Variants in L1CAM observed in about 807,000 individuals in gnomAD.
L1CAM encodes the protein neural cell adhesion molecule L1.
Under a neutral mutation model 93.0 loss-of-function variants are expected in L1CAM, and 8 were observed. The observed-to-expected ratio is 0.09, with a 90% confidence interval of 0.05 to 0.16. The LOEUF (loss-of-function observed/expected upper bound fraction) is 0.16, where lower values mean the gene tolerates loss of function less well. L1CAM is among the 10% of genes least tolerant of loss of function. The probability of loss-of-function intolerance (pLI) is 1.00; values close to 1 mark genes in which losing one functional copy is unlikely to be tolerated. For synonymous variants in L1CAM, 453 were observed against 453.0 expected, an observed-to-expected ratio of 1.00 and a Z score of 0.00; for missense variants, 777 against 1,073.4, an observed-to-expected ratio of 0.72 and a Z score of 3.86.
intron 2 of L1CAM, 164 bp downstream of exon 2, chrX:153,875,597 C>T (rs1409496398): frequency 5.6e-6 from 3 of 535,946 alleles, no homozygotes; most frequent in Non-Finnish European, 6.6e-6. Context: ...CCCTTCTCTC[C>T]GGGGGTACCC....
chrX:153,875,490 C>T, intron 2 of L1CAM: 1 of 465,663 alleles, frequency 2.1e-6, no homozygotes. Context: ...GACCTCGGGG[C>T]CCTGCTCCAG....
intron 10 of L1CAM, 51 bp downstream of exon 10, chrX:153,869,752 C>T: frequency 8.3e-7 from 1 of 1,207,380 alleles, no homozygotes; most frequent in African/African-American, 1.7e-5. Context: ...CTCTCCCCCA[C>T]AGCCCCCAGG....
rs2064671900 is a variant in L1CAM at position 153,862,544 on chromosome X, A to T, written c.*119T>A. ...ATAAAGTGGGGACCGGGTGGTAGGA[A>T]GGGGATCCGAGGCAGCAAGTTCTCC... On this transcript the variant is annotated 3_prime_UTR_variant, in exon 29 of 29. Transcript: ENST00000370060. 5.5e-6 allele frequency: 3 copies of T among 543,164 alleles called. No individual in the cohort carries two copies. The highest frequency in any genetic ancestry group is 8.9e-6 in the Non-Finnish European group (3 of 337,760). 44.8% of individuals were successfully genotyped at this position (543,164 alleles called of 1,213,427 possible).
At chrX:153,882,328 G>C (rs1311026641) in intron 1 of L1CAM, among the ~76,000 whole-genome samples, 2 of 110,982 alleles carry the variant, frequency 1.8e-5, no homozygotes. Flanking sequence ...GGGTTGGCCA[G>C]AGGCTCTGTC....
In L1CAM at chrX:153,875,847, G is replaced by C; in HGVS notation, c.-11C>G. On this transcript the variant is annotated 5_prime_UTR_variant, in exon 2 of 29. Transcript: ENST00000370060. ...CAGCGCCACGACCATCTTTCCCGGCGGCACCGCGCAGCACAGCCAGCCGGG... is the reference window on the plus strand; with the variant it reads ...CAGCGCCACGACCATCTTTCCCGGCCGCACCGCGCAGCACAGCCAGCCGGG... The C allele has an allele frequency of 2.5e-6, 3 of 1,205,889 alleles. No homozygotes were observed. The highest frequency in any genetic ancestry group is 3.4e-6 in the Non-Finnish European group (3 of 893,781).
rs782269047 is a variant in L1CAM, at chrX:153,883,265, G to C, written c.-109+2800C>G. Reference sequence around the variant, plus strand: ...AAGCAGAGAGATGGAGCAGAGCCCTGACGGGAAGGGGGAAGAGGGAAGGGA... The same window carrying C: ...AAGCAGAGAGATGGAGCAGAGCCCTCACGGGAAGGGGGAAGAGGGAAGGGA... On this transcript the variant is annotated intron_variant, in intron 1 of 28. Coordinates refer to ENST00000370060, the MANE Select transcript of L1CAM (RefSeq NM_001278116.2). Among the ~76,000 whole-genome samples, 93 of 111,003 alleles carry C rather than the reference G, an allele frequency of 8.4e-4. 1 individual carries two copies. The highest frequency in any genetic ancestry group is 2.9e-3 in the African/African-American group (89 of 30,487).
chrX:153,885,774 T>A lies in L1CAM; in HGVS notation c.-109+291A>T, dbSNP rs189305417. The A allele has an allele frequency of 2.3e-4, 178 of 790,589 alleles. No homozygotes were observed. The African/African-American group carries it at 3.9e-3, about 17-fold the overall frequency. The allele number at this position is 790,589 out of a possible 1,213,427, so 65.2% of individuals were successfully genotyped here. A position where few individuals can be genotyped will look rare whatever the true frequency, so the allele number is the denominator to read the frequency against. Reference sequence around the variant, plus strand: ...AGCCCCCGCCTGCCCACACAGACCCTGCCTGACGCCCCCCGCCCTGTTCTC... The same window carrying A: ...AGCCCCCGCCTGCCCACACAGACCCAGCCTGACGCCCCCCGCCCTGTTCTC... On this transcript the variant is annotated intron_variant, in intron 1 of 28. Coordinates refer to ENST00000370060, the MANE Select transcript of L1CAM (RefSeq NM_001278116.2).
chrX:153,868,461 G>A lies in L1CAM; in HGVS notation c.1547-3C>T, dbSNP rs782348589. The A allele has an allele frequency of 4.1e-6, 5 of 1,212,141 alleles. No individual in the cohort carries two copies. In the East Asian group the frequency reaches 1.5e-4, roughly 36 times the overall value. On this transcript the variant is annotated splice_polypyrimidine_tract_variant and splice_region_variant and intron_variant, in intron 13 of 28. Transcript: ENST00000370060. ...CCCCTGAGTGATCTGAGTTGCATCTGAGGGTAATGCGTGCGTGGGGAAGTC... is the reference window on the plus strand; with the variant it reads ...CCCCTGAGTGATCTGAGTTGCATCTAAGGGTAATGCGTGCGTGGGGAAGTC...
At chrX:153,872,460 T>G (rs1158534081) in intron 4 of L1CAM, 106 bp from the exon 5 acceptor site, 1 of 956,858 alleles carries the variant, frequency 1.0e-6, no homozygotes, top group Non-Finnish European at 1.5e-6. Context: ...GGGGATGGAC[T>G]GGGAGATGGC....
intron 28 of L1CAM, 68 bp downstream of exon 28, chrX:153,863,300 G>C: frequency 8.9e-7 from 1 of 1,120,363 alleles, no homozygotes; most frequent in Non-Finnish European, 1.2e-6. Context: ...GGGGACAATG[G>C]CACACCAGGC....
intron 26 of L1CAM, 101 bp from the exon 27 acceptor site, chrX:153,863,650 G>T: frequency 1.1e-6 from 1 of 897,240 alleles, no homozygotes. Flanking sequence ...TCTCAACAGC[G>T]CCCAGAGGCA....
chrX:153,884,555 T>C (rs782169102), intron 1 of L1CAM: 11 of 190,017 alleles, frequency 5.8e-5, no homozygotes, highest in Non-Finnish European at 1.1e-4. Context: ...CAAACATCAA[T>C]AAATATGGAG....
At chrX:153,878,098 G>A (rs1401697581) in intron 1 of L1CAM, among the ~76,000 whole-genome samples, 1 of 112,587 alleles carries the variant, frequency 8.9e-6, no homozygotes, top group African/African-American at 3.2e-5. Flanking sequence ...AAGAAAGGGT[G>A]TTGTTAGGTG....
At chrX:153,863,281 C>G in intron 28 of L1CAM, 87 bp downstream of exon 28, 1 of 1,051,258 alleles carries the variant, frequency 9.5e-7, no homozygotes, top group Non-Finnish European at 1.3e-6. Context: ...GTCAGAGCCC[C>G]GGCAGCCAGG....
intron 16 of L1CAM, 87 bp downstream of exon 16, chrX:153,867,713 G>T: frequency 9.9e-7 from 1 of 1,007,202 alleles, no homozygotes; most frequent in Non-Finnish European, 1.4e-6. Context: ...TGTCCCCCCA[G>T]GAAGGCTCCA....
intron 1 of L1CAM, among the ~76,000 whole-genome samples, chrX:153,876,706 G>A (rs953483947): frequency 3.5e-5 from 4 of 112,836 alleles, no homozygotes; most frequent in Non-Finnish European, 7.5e-5. Context: ...GAAAGAATGG[G>A]GAAAGGGCCA....
Position 153,870,138 on chromosome X carries a change from G to A in L1CAM, c.909C>T (p.Gly303=). The A allele has an allele frequency of 8.3e-7, 1 of 1,211,753 alleles. No homozygotes were observed. Residue 303 remains glycine, a synonymous_variant, in exon 9 of 29, where the codon GGC becomes GGT. Coordinates refer to ENST00000370060, the MANE Select transcript of L1CAM (RefSeq NM_001278116.2). ...HNKTLQLLKV[G]EEDDGEYRCL... is the part of the protein sequence containing the mutation. ...AGCGGTACTCGCCATCATCCTCCTC[G>A]CCCACTTTCAGCAGCTGCAGGGTCT...
chrX:153,873,150 G>A, intron 3 of L1CAM, 78 bp downstream of exon 3: 1 of 998,544 alleles, frequency 1.0e-6, no homozygotes, highest in South Asian at 1.9e-5. Flanking sequence ...AGGAGGGCGG[G>A]GGTGCAGGCT....
chrX:153,876,132 G>T (rs1336586497), intron 1 of L1CAM, 188 bp from the exon 2 acceptor site: 8 of 439,071 alleles, frequency 1.8e-5, no homozygotes, highest in Non-Finnish European at 3.2e-5. Flanking sequence ...GAGAAATCTG[G>T]AAGAGATAGC....
Sources: gnomAD v4.1 joint callset for allele counts (sites outside exome capture counted in the v4.1 genomes callset) on GRCh38, gnomAD v4.1.1 for gene constraint, MANE v1.5 for transcripts, NCBI Gene and HGNC (gene_info 2026-07-23, HGNC 2026-07-21) for gene names.